YIPF4: variants seen among roughly 807,000 people sequenced by gnomAD.
The protein encoded by YIPF4 is Yip1 domain family member 4.
A neutral mutation model predicts 29.4 loss-of-function variants in YIPF4; 18 were observed. The ratio of observed to expected loss-of-function variants is 0.61; its 90% CI spans 0.42 to 0.91. The LOEUF (loss-of-function observed/expected upper bound fraction) is 0.91, where lower values mean the gene tolerates loss of function less well. Ranked by LOEUF, YIPF4 falls within the 40% of genes least tolerant of loss-of-function variation. YIPF4 has a pLI of 0.00. For missense variants in YIPF4, 279 were observed against 282.7 expected (o/e 0.99, Z 0.09); for synonymous variants, 115 against 104.7 (o/e 1.10, Z -0.60).
chr2:32,290,102 C>T (rs911601863), intron 1 of YIPF4, among the ~76,000 whole-genome samples: 3 of 151,998 alleles, frequency 2.0e-5, no homozygotes. Context: ...AGAATTTATT[C>T]AGTTACTTTG....
At chr2:32,300,335 G>A (rs542621817) in intron 4 of YIPF4, among the ~76,000 whole-genome samples, 2 of 151,996 alleles carry the variant, frequency 1.3e-5, no homozygotes, top group African/African-American at 4.8e-5. Context: ...TCAGGAGGCC[G>A]AGGCAGAAGA....
rs374910613 is a variant in YIPF4, at chr2:32,298,797, G to C, written c.483+486G>C. Among the ~76,000 whole-genome samples the C allele has an allele frequency of 4.6e-5, 7 of 151,972 alleles. No individual in the cohort carries two copies. The East Asian group carries it at 7.7e-4, about 17-fold the overall frequency. ...TGGTCTTGAACTCCCAACCTCAAGC[G>C]ATCTGCCTGTTTAGCCTCCCAAAGT... On this transcript the variant is annotated intron_variant, in intron 4 of 5. Coordinates refer to ENST00000238831, the MANE Select transcript of YIPF4 (RefSeq NM_032312.4).
intron 2 of YIPF4, among the ~76,000 whole-genome samples, chr2:32,291,546 A>G (rs2030914674): frequency 6.6e-6 from 1 of 152,210 alleles, no homozygotes; most frequent in African/African-American, 2.4e-5. Context: ...TCTTGTCTCA[A>G]AAACAAAGAA....
chr2:32,306,134 C>G lies in YIPF4; in HGVS notation c.*508C>G. On this transcript the variant is annotated 3_prime_UTR_variant, in exon 6 of 6. Transcript: ENST00000238831. ...ACATTAAGATATTAAATCTGATGCA[C>G]AAACTTTTTAATTTGGCCATTAATC... 1 of 767,338 alleles carries G rather than the reference C, an allele frequency of 1.3e-6. No individual in the cohort carries two copies. Among genetic ancestry groups the G allele is most frequent in the Non-Finnish European group, 1.6e-6 (1 of 640,814 alleles). The allele number at this position is 767,338 out of a possible 1,614,324, so 47.5% of individuals were successfully genotyped here.
chr2:32,312,486 TCA>T lies in YIPF4; in HGVS notation c.*6861_*6862del, dbSNP rs2031733296. 1 of 11,852 alleles carries T rather than the reference TCA, an allele frequency of 8.4e-5. No homozygotes were observed. The highest frequency in any genetic ancestry group is 1.3e-4 in the Non-Finnish European group (1 of 7,866). The allele number at this position is 11,852 out of a possible 1,614,324, so 0.7% of individuals were successfully genotyped here. A position where few individuals can be genotyped will look rare whatever the true frequency, so the allele number is the denominator to read the frequency against. On this transcript the variant is annotated 3_prime_UTR_variant, in exon 6 of 6. Coordinates refer to ENST00000238831, the MANE Select transcript of YIPF4 (RefSeq NM_032312.4). The stretch of plus-strand genomic sequence containing the variant: ...CTGGGCGACAGAGCGAGAATCCGTC[TCA>T]AAAAAAAAAAAAAAAAAAAAAAAAA...
At chr2:32,289,008 G>A (rs955283143) in intron 1 of YIPF4, among the ~76,000 whole-genome samples, 4 of 152,104 alleles carry the variant, frequency 2.6e-5, no homozygotes, top group Non-Finnish European at 5.9e-5. Flanking sequence ...ATTAGAAATA[G>A]ACTTTTAAAT....
At chr2:32,299,590 C>T (rs1009475771) in intron 4 of YIPF4, among the ~76,000 whole-genome samples, 4 of 151,414 alleles carry the variant, frequency 2.6e-5, no homozygotes, top group African/African-American at 9.7e-5. Flanking sequence ...GGGGGGCTGA[C>T]GCAGGAGGAT....
At chr2:32,288,023 C>G (rs2030750543) in intron 1 of YIPF4, among the ~76,000 whole-genome samples, 1 of 152,124 alleles carries the variant, frequency 6.6e-6, no homozygotes. Context: ...TTAAATCAGC[C>G]ATGCTCCTGG....
In YIPF4 at chr2:32,314,294, C is replaced by A. The variant is rs1245705848; in HGVS notation, c.*8668C>A. 1 of 152,194 alleles carries A rather than the reference C, an allele frequency of 6.6e-6. No homozygotes were observed. The highest frequency in any genetic ancestry group is 1.5e-5 in the Non-Finnish European group (1 of 68,046). 9.4% of individuals were successfully genotyped at this position (152,194 alleles called of 1,614,324 possible). A position where few individuals can be genotyped will look rare whatever the true frequency, so the allele number is the denominator to read the frequency against. ...AAGACAAAGAATTTGTACTGTATTA[C>A]TTCATTTATATGAAGTTCAAACACA... On this transcript the variant is annotated 3_prime_UTR_variant, in exon 6 of 6. Coordinates refer to ENST00000238831, the MANE Select transcript of YIPF4 (RefSeq NM_032312.4).
chr2:32,285,494 A>G (rs1020279724), intron 1 of YIPF4, among the ~76,000 whole-genome samples: 3 of 152,112 alleles, frequency 2.0e-5, no homozygotes, highest in African/African-American at 7.2e-5. Context: ...TGATCAGTAA[A>G]TTGTAGATAA....
At chr2:32,303,489 AG>A (rs2031476197) in intron 5 of YIPF4, among the ~76,000 whole-genome samples, 1 of 152,184 alleles carries the variant, frequency 6.6e-6, no homozygotes, top group Non-Finnish European at 1.5e-5. Context: ...CAGGTGGATC[AG>A]TTGAGCCCAG....
At chr2:32,294,132 T>G (rs1447550081) in intron 3 of YIPF4, among the ~76,000 whole-genome samples, 1 of 133,162 alleles carries the variant, frequency 7.5e-6, no homozygotes, top group Non-Finnish European at 1.6e-5. Context: ...ACCCCCCCAC[T>G]TCCCTCCCAG....
chr2:32,278,371 C>T, intron 1 of YIPF4, 137 bp downstream of exon 1: 1 of 810,716 alleles, frequency 1.2e-6, no homozygotes, highest in Non-Finnish European at 1.9e-6. Flanking sequence ...CCCACCACGC[C>T]TGCCGGGCCT....
intron 3 of YIPF4, among the ~76,000 whole-genome samples, chr2:32,294,939 C>T (rs910680832): frequency 3.3e-5 from 5 of 152,020 alleles, no homozygotes; most frequent in African/African-American, 7.3e-5. Flanking sequence ...TGGCGGCGTG[C>T]GCCTGCAATG....
rs1231173237 is a variant in YIPF4 at position 32,294,555 on chromosome 2, C to T, written c.405+2207C>T. Among the ~76,000 whole-genome samples, 11 of 151,138 alleles carry T rather than the reference C, an allele frequency of 7.3e-5. No individual in the cohort carries two copies. In the East Asian group the frequency reaches 9.8e-4, roughly 14 times the overall value. The stretch of plus-strand genomic sequence containing the variant: ...CTCACTTCCTAGATGGGATGGCGGC[C>T]GGGCAGAGACGCTCCTCACTTTCCA... On this transcript the variant is annotated intron_variant, in intron 3 of 5. Transcript: ENST00000238831.
intron 1 of YIPF4, among the ~76,000 whole-genome samples, chr2:32,286,530 T>G (rs1380173499): frequency 1.3e-5 from 2 of 151,960 alleles, no homozygotes; most frequent in Non-Finnish European, 2.9e-5. Flanking sequence ...AGACAAAAAT[T>G]TATACAAGAC....
intron 1 of YIPF4, among the ~76,000 whole-genome samples, chr2:32,281,178 C>G (rs1284265346): frequency 6.6e-6 from 1 of 151,988 alleles, no homozygotes; most frequent in Non-Finnish European, 1.5e-5. Context: ...AATATCCTCA[C>G]ACAATATTAT....
chr2:32,286,094 T>C (rs528411363), intron 1 of YIPF4, among the ~76,000 whole-genome samples: 2 of 152,336 alleles, frequency 1.3e-5, no homozygotes, highest in Non-Finnish European at 1.5e-5. Context: ...AATCTACTTA[T>C]TTGCATGAGT....
rs1475886826 is a variant in YIPF4, at chr2:32,315,033, A to G, written c.*9407A>G. 1 of 152,262 alleles carries G rather than the reference A, an allele frequency of 6.6e-6. No homozygotes were observed. Among genetic ancestry groups the G allele is most frequent in the Non-Finnish European group, 1.5e-5 (1 of 68,052 alleles). The allele number at this position is 152,262 out of a possible 1,614,324, so 9.4% of individuals were successfully genotyped here. A position where few individuals can be genotyped will look rare whatever the true frequency, so the allele number is the denominator to read the frequency against. ...TTTCACGTAATAAATCCAAGGTTAC[A>G]TAATCCATAACTGATATGGCAGTTT... On this transcript the variant is annotated 3_prime_UTR_variant, in exon 6 of 6. Coordinates refer to ENST00000238831, the MANE Select transcript of YIPF4 (RefSeq NM_032312.4).
Sources: gnomAD v4.1 joint callset for allele counts (sites outside exome capture counted in the v4.1 genomes callset) on GRCh38, gnomAD v4.1.1 for gene constraint, MANE v1.5 for transcripts, NCBI Gene and HGNC (gene_info 2026-07-23, HGNC 2026-07-21) for gene names.